The following GLIS3 variants were observed in gnomAD, a reference collection of about 807,000 sequenced individuals.
The protein encoded by GLIS3 is zinc finger protein GLIS3.
GLIS3 carries 53 observed loss-of-function variants against 78.6 expected under a neutral mutation model. The observed-to-expected ratio is 0.67, with a 90% CI of 0.54 to 0.85. The LOEUF is 0.85. Ranked by LOEUF, GLIS3 falls within the 40% of genes least tolerant of loss-of-function variation. The pLI is 0.00. For missense variants in GLIS3, 1,703 were observed against 1,231.1 expected (o/e 1.38, Z -5.74); for synonymous variants, 684 against 509.9 (o/e 1.34, Z -4.60).
At position 4,007,610 on chromosome 9, in the gene GLIS3, C is replaced by T. The variant is rs149046772; in HGVS notation, c.1711-70421G>A. On this transcript the variant is annotated intron_variant, in intron 4 of 10. Coordinates refer to ENST00000381971, the MANE Select transcript of GLIS3 (RefSeq NM_001042413.2). ...AGCCTAAAGACACCAAAATAATCCA[C>T]ATCTGATGGTAGAATTTCAGATACT... 7.6e-3 allele frequency among the ~76,000 whole-genome samples: 1,150 copies of T among 152,204 alleles called. 12 individuals are homozygous for T. The highest frequency in any genetic ancestry group is 0.026 in the African/African-American group (1,097 of 41,538).
chr9:4,457,152 C>T, the GLIS3 span, among the ~76,000 whole-genome samples: 1 of 151,942 alleles, frequency 6.6e-6, no homozygotes, highest in Non-Finnish European at 1.5e-5. Flanking sequence ...TGCTTGAGGC[C>T]AGGAGTTTGA....
At position 4,043,820 on chromosome 9, in the gene GLIS3, A is replaced by T. The variant is rs533732644; in HGVS notation, c.1710+73948T>A. Among the ~76,000 whole-genome samples the T allele has an allele frequency of 8.5e-4, 129 of 152,340 alleles. 1 individual carries two copies. Among genetic ancestry groups the T allele is most frequent in the Non-Finnish European group, 1.5e-3 (104 of 68,038 alleles). ...GAGAGAAGAGTAATTATTTCCTATG[A>T]AGACAAGAACAGGATGCAGCTTCAG... On this transcript the variant is annotated intron_variant, in intron 4 of 10. Transcript: ENST00000381971.
intron 8 of GLIS3, among the ~76,000 whole-genome samples, chr9:3,869,636 G>C (rs189526135): frequency 2.0e-5 from 3 of 152,278 alleles, no homozygotes; most frequent in African/African-American, 4.8e-5. Flanking sequence ...CAAGGGAATT[G>C]TTGCTTTCTG....
the GLIS3 span, among the ~76,000 whole-genome samples, chr9:4,409,140 C>T: frequency 6.6e-6 from 1 of 152,158 alleles, no homozygotes; most frequent in Non-Finnish European, 1.5e-5. Flanking sequence ...TAAATTTCTT[C>T]ATTTTCTGCT....
At chr9:4,124,499 G>A (rs1442959280) in intron 3 of GLIS3, among the ~76,000 whole-genome samples, 1 of 152,154 alleles carries the variant, frequency 6.6e-6, no homozygotes. Flanking sequence ...CCCACCCCAT[G>A]AGCACAGTTC....
the GLIS3 span, among the ~76,000 whole-genome samples, chr9:4,356,336 C>G: frequency 2.6e-5 from 4 of 152,192 alleles, no homozygotes; most frequent in African/African-American, 9.7e-5. Flanking sequence ...CACTAACTCT[C>G]CAGCTACACT....
In GLIS3 at chr9:3,866,028, A is replaced by C. The variant is rs536406205; in HGVS notation, c.2298-9844T>G. Among the ~76,000 whole-genome samples, 12 of 152,336 alleles carry C rather than the reference A, an allele frequency of 7.9e-5. 1 individual carries two copies. Among genetic ancestry groups the C allele is most frequent in the African/African-American group, 2.9e-4 (12 of 41,582 alleles). On this transcript the variant is annotated intron_variant, in intron 8 of 10. Transcript: ENST00000381971. ...GTCTTCCCATGAAGTGGTCCGAAGCAGATTGTGGAGGTGGAAGAAGAACAA... is the reference window on the plus strand; with the variant it reads ...GTCTTCCCATGAAGTGGTCCGAAGCCGATTGTGGAGGTGGAAGAAGAACAA...
chr9:4,382,458 G>T, the GLIS3 span, among the ~76,000 whole-genome samples: 1 of 152,100 alleles, frequency 6.6e-6, no homozygotes, highest in Non-Finnish European at 1.5e-5. Context: ...AAATCTACAA[G>T]AATCTCCTCT....
intron 2 of GLIS3, among the ~76,000 whole-genome samples, chr9:4,266,366 C>T (rs977412519): frequency 2.7e-4 from 41 of 152,126 alleles, no homozygotes; most frequent in African/African-American, 9.7e-4. Flanking sequence ...CTCAGTCTGA[C>T]ATAGCTCTAA....
chr9:4,289,106 T>C (rs1039792417), intron 1 of GLIS3, among the ~76,000 whole-genome samples: 11 of 152,196 alleles, frequency 7.2e-5, no homozygotes, highest in Admixed American at 4.6e-4. Context: ...AAGACCCTCA[T>C]AGAGTGTGAA....
chr9:4,144,806 C>T (rs1242481490), intron 2 of GLIS3: 2 of 152,272 alleles, frequency 1.3e-5, no homozygotes, highest in East Asian at 3.9e-4. Flanking sequence ...TTCTCGTAAA[C>T]ATAACTCACA....
intron 8 of GLIS3, among the ~76,000 whole-genome samples, chr9:3,864,615 C>T (rs1049310747): frequency 3.9e-5 from 6 of 152,204 alleles, no homozygotes; most frequent in African/African-American, 9.6e-5. Context: ...AGAAACTGGC[C>T]GGGTGACGCT....
At chr9:4,390,206 G>T in the GLIS3 span, among the ~76,000 whole-genome samples, 1 of 152,238 alleles carries the variant, frequency 6.6e-6, no homozygotes, top group Admixed American at 6.5e-5. Context: ...GGGGAAAGCA[G>T]CAGCCGCAGC....
chr9:4,396,335 G>A, the GLIS3 span, among the ~76,000 whole-genome samples: 1 of 151,724 alleles, frequency 6.6e-6, no homozygotes, highest in African/African-American at 2.4e-5. Context: ...ATCTCGAGTT[G>A]GCCAGGCTGA....
intron 9 of GLIS3, among the ~76,000 whole-genome samples, chr9:3,845,504 G>C (rs1392791981): frequency 6.6e-6 from 1 of 152,064 alleles, no homozygotes; most frequent in South Asian, 2.1e-4. Context: ...TAAACTATAA[G>C]TTTCAGTACT....
At chr9:4,109,060 G>C (rs920372583) in intron 4 of GLIS3, among the ~76,000 whole-genome samples, 3 of 152,108 alleles carry the variant, frequency 2.0e-5, no homozygotes, top group Non-Finnish European at 4.4e-5. Flanking sequence ...GTGCCATTTT[G>C]ATGGGAATTG....
chr9:4,296,094 G>A (rs908427264), intron 1 of GLIS3, among the ~76,000 whole-genome samples: 1 of 152,006 alleles, frequency 6.6e-6, no homozygotes, highest in African/African-American at 2.4e-5. Flanking sequence ...CACAGAAAAT[G>A]ACTTCTCCAG....
the GLIS3 span, among the ~76,000 whole-genome samples, chr9:4,373,730 A>G: frequency 6.7e-6 from 1 of 149,224 alleles, no homozygotes; most frequent in Admixed American, 6.7e-5. Context: ...GTGCAATGGC[A>G]CGATCTCGGC....
chr9:4,121,832 T>C (rs1269943259), intron 3 of GLIS3, among the ~76,000 whole-genome samples: 2 of 152,224 alleles, frequency 1.3e-5, no homozygotes, highest in Non-Finnish European at 2.9e-5. Context: ...CAAGCTACGA[T>C]GGGCACCCAA....
Sources: gnomAD v4.1 joint callset for allele counts (sites outside exome capture counted in the v4.1 genomes callset) on GRCh38, gnomAD v4.1.1 for gene constraint, MANE v1.5 for transcripts, NCBI Gene and HGNC (gene_info 2026-07-23, HGNC 2026-07-21) for gene names.